NFATC1: variants seen among roughly 807,000 people sequenced by gnomAD.
NFATC1 encodes nuclear factor of activated T-cells, cytoplasmic 1.
In NFATC1, 22 loss-of-function variants were observed where a neutral mutation model predicts 76.0. That is an observed-to-expected ratio of 0.29 (90% CI 0.21 to 0.41). NFATC1 has a LOEUF of 0.41. Ranked by LOEUF, NFATC1 falls within the 10% of genes least tolerant of loss-of-function variation. The probability of loss-of-function intolerance (pLI) is 1.00; values close to 1 mark genes in which losing one functional copy is unlikely to be tolerated. For missense variants in NFATC1, 1,357 were observed against 1,337.7 expected, an observed-to-expected ratio of 1.01 and a Z score of -0.23; for synonymous variants, 704 against 613.1, an observed-to-expected ratio of 1.15 and a Z score of -2.19.
chr18:79,427,432 G>T (rs1467224338), intron 2 of NFATC1, among the ~76,000 whole-genome samples: 2 of 131,896 alleles, frequency 1.5e-5, no homozygotes, highest in African/African-American at 6.0e-5. Flanking sequence ...CGGTGGGTGG[G>T]GGGGAGCTGG....
At chr18:79,462,846 C>T (rs1395848495) in intron 7 of NFATC1, among the ~76,000 whole-genome samples, 1 of 152,176 alleles carries the variant, frequency 6.6e-6, no homozygotes, top group Admixed American at 6.5e-5. Context: ...CTTGTGCACC[C>T]ACTCAGTGTG....
intron 7 of NFATC1, 152 bp from the exon 8 acceptor site, chr18:79,467,298 T>C: frequency 1.4e-6 from 1 of 705,004 alleles, no homozygotes; most frequent in Non-Finnish European, 2.2e-6. Context: ...TGTGCTGCCG[T>C]GGAAACGCGG....
intron 3 of NFATC1, among the ~76,000 whole-genome samples, chr18:79,437,287 C>T (rs565525513): frequency 8.5e-5 from 13 of 152,352 alleles, no homozygotes; most frequent in South Asian, 4.1e-4. Context: ...AAGATGAAGA[C>T]GCCTGCTTAG....
At chr18:79,424,715 GTC>G (rs1368756451) in intron 2 of NFATC1, among the ~76,000 whole-genome samples, 1 of 142,328 alleles carries the variant, frequency 7.0e-6, no homozygotes, top group Non-Finnish European at 1.5e-5. Context: ...CTCTGTGTCT[GTC>G]TCTGTCTCTC....
intron 2 of NFATC1, among the ~76,000 whole-genome samples, chr18:79,433,049 C>T (rs2086654087): frequency 6.6e-6 from 1 of 152,256 alleles, no homozygotes; most frequent in Non-Finnish European, 1.5e-5. Flanking sequence ...CGCCGTGTCC[C>T]TCCTCCTGGC....
intron 9 of NFATC1, among the ~76,000 whole-genome samples, chr18:79,514,720 A>C (rs2090337927): frequency 6.6e-6 from 1 of 151,894 alleles, no homozygotes; most frequent in African/African-American, 2.4e-5. Flanking sequence ...CTCTGGTAAG[A>C]GGAAGATTTA....
At chr18:79,418,045 C>A (rs187933242) in intron 2 of NFATC1, among the ~76,000 whole-genome samples, 1 of 152,004 alleles carries the variant, frequency 6.6e-6, no homozygotes, top group Non-Finnish European at 1.5e-5. Context: ...AGTTTCATTG[C>A]GATGTTGGAA....
chr18:79,449,053 C>T (rs1042962395), intron 4 of NFATC1, 69 bp downstream of exon 4: 170 of 1,522,400 alleles, frequency 1.1e-4, no homozygotes, highest in African/African-American at 4.4e-4. Flanking sequence ...CTCCCAGTCC[C>T]GGGGGGTCTG....
intron 8 of NFATC1, among the ~76,000 whole-genome samples, chr18:79,475,096 A>G: frequency 1.5e-5 from 2 of 137,384 alleles, no homozygotes; most frequent in African/African-American, 5.9e-5. Flanking sequence ...ACTCGACGTG[A>G]GGGAAGCGTG....
chr18:79,484,923 G>C (rs925603087), intron 8 of NFATC1, among the ~76,000 whole-genome samples: 1 of 152,246 alleles, frequency 6.6e-6, no homozygotes, highest in Admixed American at 6.5e-5. Context: ...GCAGGAAAAC[G>C]CCGTCTCCAT....
At chr18:79,479,219 C>T (rs866009136) in intron 8 of NFATC1, among the ~76,000 whole-genome samples, 1 of 152,228 alleles carries the variant, frequency 6.6e-6, no homozygotes, top group Non-Finnish European at 1.5e-5. Flanking sequence ...TTTCTGAGCC[C>T]ATCCTTTCGC....
chr18:79,510,851 CCGGGG>C (rs2090229374), intron 9 of NFATC1, among the ~76,000 whole-genome samples: 2 of 150,900 alleles, frequency 1.3e-5, no homozygotes, highest in Admixed American at 6.6e-5. Flanking sequence ...GCATCCTCTG[CCGGGG>C]CATCCTCTGC....
chr18:79,451,896 C>T (rs1254599998), intron 6 of NFATC1, 80 bp downstream of exon 6: 1 of 1,517,208 alleles, frequency 6.6e-7, no homozygotes, highest in East Asian at 2.4e-5. Context: ...GGAGCAGGAC[C>T]CACCTGTGCA....
chr18:79,485,492 C>G (rs543835837), intron 8 of NFATC1, among the ~76,000 whole-genome samples: 1 of 152,260 alleles, frequency 6.6e-6, no homozygotes, highest in Non-Finnish European at 1.5e-5. Context: ...GAAGCCGGCA[C>G]AAAGGCTGGG....
intron 8 of NFATC1, among the ~76,000 whole-genome samples, chr18:79,474,419 G>T (rs534665626): frequency 7.0e-6 from 1 of 141,860 alleles, no homozygotes; most frequent in Admixed American, 7.0e-5. Flanking sequence ...TTCTCTCACT[G>T]TCAACTTTGC....
At chr18:79,517,865 T>A (rs1242693450) in intron 9 of NFATC1, among the ~76,000 whole-genome samples, 1 of 152,226 alleles carries the variant, frequency 6.6e-6, no homozygotes, top group Non-Finnish European at 1.5e-5. Context: ...ACAAATATGC[T>A]TTTTAAAAAT....
intron 6 of NFATC1, among the ~76,000 whole-genome samples, chr18:79,453,477 G>A (rs549656664): frequency 1.6e-4 from 24 of 152,360 alleles, no homozygotes; most frequent in African/African-American, 3.6e-4. Context: ...GGCCTCATGC[G>A]GCCGCCCCTA....
At chr18:79,518,738 A>C (rs1600991074) in intron 9 of NFATC1, among the ~76,000 whole-genome samples, 1 of 152,208 alleles carries the variant, frequency 6.6e-6, no homozygotes, top group African/African-American at 2.4e-5. Flanking sequence ...AACGAGACTA[A>C]GGGTAGCACC....
At chr18:79,433,825 T>C in intron 3 of NFATC1, 87 bp downstream of exon 3, 2 of 1,487,488 alleles carry the variant, frequency 1.3e-6, no homozygotes, top group African/African-American at 1.4e-5. Context: ...GTGCTTAGAC[T>C]CTCCCAGCCA....
Sources: allele counts gnomAD v4.1 joint callset (sites outside exome capture counted in the v4.1 genomes callset), GRCh38; gene constraint gnomAD v4.1.1; transcripts MANE v1.5; gene names NCBI Gene and HGNC (gene_info 2026-07-23, HGNC 2026-07-21).